The following MKI67 variants were observed in gnomAD, a reference collection of about 807,000 sequenced individuals.
MKI67 encodes marker of proliferation Ki-67.
A neutral mutation model predicts 233.5 loss-of-function variants in MKI67; 152 were observed. That is an observed-to-expected ratio of 0.65 (90% CI 0.57 to 0.74). The LOEUF (loss-of-function observed/expected upper bound fraction) is 0.74. Ranked by LOEUF, MKI67 falls within the 30% of genes least tolerant of loss-of-function variation. The pLI, the probability that MKI67 is intolerant of heterozygous loss-of-function variation, is 0.00. For missense variants in MKI67, 3,940 were observed against 3,885.2 expected, an observed-to-expected ratio of 1.01 and a Z score of -0.37; for synonymous variants, 1,465 against 1,418.5, an observed-to-expected ratio of 1.03 and a Z score of -0.74.
rs1475661400 is a variant in MKI67, at chr10:128,114,922, A to T, written c.1480+6T>A. 1.3e-6 allele frequency: 2 copies of T among 1,539,070 alleles called. No individual in the cohort carries two copies. The highest frequency in any genetic ancestry group is 4.5e-5 in the East Asian group (2 of 44,018). ...GAAAAATAAATTTACAATTAAATAA[A>T]CTTACTAATGGAATCACCAAAGTTG... is the stretch of plus-strand genomic sequence containing the variant. On this transcript the variant is annotated splice_donor_region_variant and intron_variant, in intron 7 of 14. Coordinates refer to ENST00000368654, the MANE Select transcript of MKI67 (RefSeq NM_002417.5).
In MKI67 at chr10:128,109,032, A is replaced by G. The variant is rs1364187780; in HGVS notation, c.2808T>C (p.Ile936=). ...ERPFETYKEN[I]ELKENDEKMK... is the part of the protein sequence containing the mutation. ...TCTTTTCATCGTTTTCTTTTAATTCAATATTTTCCTTATATGTCTCAAAAG... is the reference window on the plus strand; with the variant it reads ...TCTTTTCATCGTTTTCTTTTAATTCGATATTTTCCTTATATGTCTCAAAAG... Residue 936 remains isoleucine (I), a synonymous_variant, in exon 13 of 15, where the codon ATT becomes ATC. Transcript: ENST00000368654. 2 of 1,614,012 alleles carry G rather than the reference A, an allele frequency of 1.2e-6. No individual in the cohort carries two copies. The highest frequency in any genetic ancestry group is 3.3e-5 in the Admixed American group (2 of 60,020).
In MKI67 at chr10:128,125,707, C is replaced by G. The variant is rs749883379; in HGVS notation, c.-40G>C. ...GTTGAGTATAATCCGTAGGGGAAGGCCAGGTATAATCCGTAGGGGAAGGCC... is the reference window on the plus strand; with the variant it reads ...GTTGAGTATAATCCGTAGGGGAAGGGCAGGTATAATCCGTAGGGGAAGGCC... On this transcript the variant is annotated 5_prime_UTR_variant, in exon 2 of 15. Transcript: ENST00000368654. This position sits in a 1 kb window ranked among gnomAD's most constrained non-coding sequence, Gnocchi z 5.3. The G allele has an allele frequency of 3.9e-6, 6 of 1,545,728 alleles. No homozygotes were observed. The highest frequency in any genetic ancestry group is 4.5e-6 in the Non-Finnish European group (5 of 1,119,280).
chr10:128,097,484 T>C lies in MKI67; in HGVS notation c.*1706A>G, dbSNP rs757315153. The stretch of plus-strand genomic sequence containing the variant: ...AAGATTTCTGGTTAGAGCTGAACTC[T>C]AAAGGATTTTTCTACTAAACAGAAT... On this transcript the variant is annotated 3_prime_UTR_variant, in exon 15 of 15. Coordinates refer to ENST00000368654, the MANE Select transcript of MKI67 (RefSeq NM_002417.5). 3 of 152,164 alleles carry C rather than the reference T, an allele frequency of 2.0e-5. No individual in the cohort carries two copies. The highest frequency in any genetic ancestry group is 2.9e-5 in the Non-Finnish European group (2 of 68,028). The allele number at this position is 152,164 out of a possible 1,614,324, so 9.4% of individuals were successfully genotyped here.
In MKI67 at chr10:128,115,321, T is replaced by C; in HGVS notation, c.1087A>G (p.Asn363Asp). ...CTACCAGTAGTATACAGGTCTTTGT[T>C]CTTATGTTTTTGTGGAGAATTTTGT... ...QQQNSPQKHK[N>D]KDLYTTGRRE... The change falls in exon 7 of 15, where the codon AAC (asparagine) becomes GAC (aspartate). Residue 363 changes from asparagine (N) to aspartate (D), a missense_variant. By Grantham distance (23) the Asn-to-Asp change is conservative. Coordinates refer to ENST00000368654, the MANE Select transcript of MKI67 (RefSeq NM_002417.5). The C allele has an allele frequency of 6.2e-7, 1 of 1,614,124 alleles. No individual in the cohort carries two copies. The highest frequency in any genetic ancestry group is 2.2e-5 in the East Asian group (1 of 44,890).
In MKI67 at chr10:128,102,659, G is replaced by C; in HGVS notation, c.9181C>G (p.Pro3061Ala). 6.2e-7 allele frequency: 1 copy of C among 1,614,180 alleles called. No homozygotes were observed. Among genetic ancestry groups the C allele is most frequent in the South Asian group, 1.1e-5 (1 of 91,080 alleles). Reference protein sequence around the residue: ...SLRTSAKRIEPAEELNSNDMK... With the variant: ...SLRTSAKRIEAAEELNSNDMK... Reference sequence around the variant, plus strand: ...TCGTTGCTGTTCAGCTCTTCCGCAGGTTCAATTCTTTTTGCAGAAGTCCTC... The same window carrying C: ...TCGTTGCTGTTCAGCTCTTCCGCAGCTTCAATTCTTTTTGCAGAAGTCCTC... The change falls in exon 13 of 15, where the codon CCT becomes GCT. Residue 3061 changes from proline (P) to alanine (A), a missense_variant. Pro to Ala is a conservative substitution (Grantham distance 27). Transcript: ENST00000368654.
rs1466825415 is a variant in MKI67, at chr10:128,108,162, G to A, written c.3678C>T (p.Gly1226=). 1 of 1,613,828 alleles carries A rather than the reference G, an allele frequency of 6.2e-7. No individual in the cohort carries two copies. Among genetic ancestry groups the A allele is most frequent in the Admixed American group, 1.7e-5 (1 of 60,006 alleles). Residue 1226 remains glycine (G), a synonymous_variant, in exon 13 of 15, where the codon GGC becomes GGT. Coordinates refer to ENST00000368654, the MANE Select transcript of MKI67 (RefSeq NM_002417.5). ...EKAQALEDLA[G]FKELFQTPGH... ...CAGGAGTCTGGAAGAGCTCTTTAAA[G>A]CCAGCCAGGTCTTCTAGAGCCTGGG... is the stretch of plus-strand genomic sequence containing the variant.
Position 128,110,493 on chromosome 10 carries a change from C to T in MKI67, c.2301G>A (p.Pro767=), listed in dbSNP as rs763613616. Residue 767 remains proline, a synonymous_variant, in exon 12 of 15, where the codon CCG becomes CCA. Coordinates refer to ENST00000368654, the MANE Select transcript of MKI67 (RefSeq NM_002417.5). ...CGATGTGACATGTGCTTGTCAACTG[C>T]GGTTGCTCCTTCACTGGGGTCTTGA... ...EMFKTPVKEQ[P]QLTSTCHIAI... The T allele has an allele frequency of 1.5e-5, 23 of 1,571,108 alleles. No homozygotes were observed. The highest frequency in any genetic ancestry group is 3.4e-5 in the Admixed American group (2 of 59,208).
At chr10:128,124,984 G>A (rs1219054276) in intron 2 of MKI67, among the ~76,000 whole-genome samples, 2 of 152,052 alleles carry the variant, frequency 1.3e-5, no homozygotes, top group Admixed American at 6.5e-5. Context: ...ATGACCACAC[G>A]GGAAATGACC....
chr10:128,105,309 G>T lies in MKI67; in HGVS notation c.6531C>A (p.Ser2177Arg), dbSNP rs1413007767. The T allele has an allele frequency of 3.7e-6, 6 of 1,613,964 alleles. No individual in the cohort carries two copies. Among genetic ancestry groups the T allele is most frequent in the Non-Finnish European group, 3.4e-6 (4 of 1,180,024 alleles). Residue 2177 changes from serine to arginine, a missense_variant, in exon 13 of 15, where the codon AGC (serine) becomes AGA (arginine). Transcript: ENST00000368654. ...CCTTAGGAGTTCTTGGCTGCCTCTT[G>T]CTACCAGTTACACTTGCTGCTGGGT... Reference protein sequence around the residue: ...KLDPAASVTGSKRQPRTPKGK... With the variant: ...KLDPAASVTGRKRQPRTPKGK...
intron 5 of MKI67, among the ~76,000 whole-genome samples, chr10:128,118,039 C>T (rs138587878): frequency 2.2e-4 from 34 of 152,268 alleles, no homozygotes; most frequent in African/African-American, 6.3e-4. Flanking sequence ...GCTTCCAGCA[C>T]GGGAACTGAT....
At position 128,106,464 on chromosome 10, in the gene MKI67, C is replaced by T; in HGVS notation, c.5376G>A (p.Glu1792=). The stretch of plus-strand genomic sequence containing the variant: ...TTCCCAAAAACGTGTTGATGTCTTT[C>T]TCTTCACCTACTGCTGGTTTGGGTG... ...MHTPKPAVGE[E]KDINTFLGTP... The change falls in exon 13 of 15, where the codon GAG becomes GAA. Residue 1792 remains glutamate (E), a synonymous_variant. Coordinates refer to ENST00000368654, the MANE Select transcript of MKI67 (RefSeq NM_002417.5). 1 of 1,613,688 alleles carries T rather than the reference C, an allele frequency of 6.2e-7. No individual in the cohort carries two copies. Among genetic ancestry groups the T allele is most frequent in the Non-Finnish European group, 8.5e-7 (1 of 1,179,942 alleles).
rs1852784898 is a variant in MKI67 at position 128,115,591 on chromosome 10, C to G, written c.817G>C (p.Glu273Gln). Residue 273 changes from glutamate (E) to glutamine (Q), a missense_variant, in exon 7 of 15, where the codon GAG becomes CAG. Transcript: ENST00000368654. ...TGTAAACCATCAGCACTTTCTTTCT[C>G]TGTTGCGTAATCAGTTTGTAATCCA... ...KSGLQTDYAT[E>Q]KESADGLQGE... The G allele has an allele frequency of 5.0e-6, 8 of 1,614,110 alleles. No individual in the cohort carries two copies. The highest frequency in any genetic ancestry group is 5.9e-6 in the Non-Finnish European group (7 of 1,180,052).
chr10:128,113,234 C>A (rs1319492631), intron 8 of MKI67, among the ~76,000 whole-genome samples, 193 bp downstream of exon 8: 1 of 152,230 alleles, frequency 6.6e-6, no homozygotes, highest in Non-Finnish European at 1.5e-5. Context: ...ATCAGCACCA[C>A]GGTCAGGGAC....
At position 128,115,750 on chromosome 10, in the gene MKI67, A is replaced by T; in HGVS notation, c.658T>A (p.Ser220Thr). ...TCAAGACATTGTGTAGTGGGAACAG[A>T]CTTCAATTCTCCATAACGGCTCACT... ...KLVSRYGELKSVPTTQCLDNS... is the reference protein window; with the variant it reads ...KLVSRYGELKTVPTTQCLDNS... The change falls in exon 7 of 15, where the codon TCT becomes ACT. Residue 220 changes from serine (S) to threonine (T), a missense_variant. Transcript: ENST00000368654. The T allele has an allele frequency of 6.2e-7, 1 of 1,613,566 alleles. No individual in the cohort carries two copies. The highest frequency in any genetic ancestry group is 8.5e-7 in the Non-Finnish European group (1 of 1,180,044).
Position 128,105,501 on chromosome 10 carries a change from A to T in MKI67, c.6339T>A (p.Thr2113=). The T allele has an allele frequency of 1.2e-6, 2 of 1,610,692 alleles. No homozygotes were observed. The highest frequency in any genetic ancestry group is 4.5e-5 in the East Asian group (2 of 44,632). ...TGGGCCGCCTCCTTGTGCTTGTTGG[A>T]GTGTCCATTGATTCTGGTGGTGGAG... ...CKSPPPESMD[T]PTSTRRRPKT... is the part of the protein sequence containing the mutation. Residue 2113 remains threonine, a synonymous_variant, in exon 13 of 15, where the codon ACT becomes ACA. Transcript: ENST00000368654.
chr10:128,110,629 A>G, intron 11 of MKI67, 96 bp from the exon 12 acceptor site: 1 of 875,990 alleles, frequency 1.1e-6, no homozygotes, highest in East Asian at 2.5e-5. Context: ...GGTGGGAAAT[A>G]ACAGTAGATT....
rs1443141157 is a variant in MKI67, at chr10:128,106,859, G to T, written c.4981C>A (p.His1661Asn). The change falls in exon 13 of 15, where the codon CAC (histidine) becomes AAC (asparagine). Residue 1661 changes from histidine to asparagine, a missense_variant. Coordinates refer to ENST00000368654, the MANE Select transcript of MKI67 (RefSeq NM_002417.5). ...KLTQTSGETT[H>N]THTEPTGDGK... ...TCTCCTGTTGGCTCTGTGTGTGTGT[G>T]TGTAGTCTCTCCTGATGTCTGTGTG... The T allele has an allele frequency of 2.5e-6, 4 of 1,614,172 alleles. No homozygotes were observed. The Admixed American group carries it at 5.0e-5, about 20-fold the overall frequency.
chr10:128,110,493 C>A lies in MKI67; in HGVS notation c.2301G>T (p.Pro767=). The A allele has an allele frequency of 1.3e-6, 2 of 1,571,226 alleles. No individual in the cohort carries two copies. Among genetic ancestry groups the A allele is most frequent in the Non-Finnish European group, 1.7e-6 (2 of 1,147,332 alleles). ...CGATGTGACATGTGCTTGTCAACTG[C>A]GGTTGCTCCTTCACTGGGGTCTTGA... ...EMFKTPVKEQ[P]QLTSTCHIAI... is the part of the protein sequence containing the mutation. The change falls in exon 12 of 15, where the codon CCG becomes CCT. Residue 767 remains proline, a synonymous_variant. Coordinates refer to ENST00000368654, the MANE Select transcript of MKI67 (RefSeq NM_002417.5).
chr10:128,116,573 T>C (rs1331396189), intron 5 of MKI67, 37 bp from the exon 6 acceptor site: 31 of 1,571,332 alleles, frequency 2.0e-5, no homozygotes, highest in Non-Finnish European at 2.6e-5. Context: ...TATTTGCAGG[T>C]CTTTCTAAAT....
Sources: allele counts gnomAD v4.1 joint callset (sites outside exome capture counted in the v4.1 genomes callset), GRCh38; gene constraint gnomAD v4.1.1; non-coding constraint Gnocchi (gnomAD v3.1); transcripts MANE v1.5; gene names NCBI Gene and HGNC (gene_info 2026-07-23, HGNC 2026-07-21).